CHRNA7: variants seen among roughly 807,000 people sequenced by gnomAD.
CHRNA7 encodes neuronal acetylcholine receptor subunit alpha-7.
In CHRNA7, 17 loss-of-function variants were observed where a neutral mutation model predicts 48.0. That is an observed-to-expected ratio of 0.35 (90% CI 0.24 to 0.53). The LOEUF (loss-of-function observed/expected upper bound fraction) is 0.53, where lower values mean the gene tolerates loss of function less well. Among genes scored for constraint, CHRNA7 ranks in the 20% least tolerant of loss-of-function variants. The pLI is 0.92. For missense variants in CHRNA7, 155 were observed against 577.7 expected, an observed-to-expected ratio of 0.27 and a Z score of 7.50; for synonymous variants, 75 against 242.3, an observed-to-expected ratio of 0.31 and a Z score of 6.41.
intron 4 of CHRNA7, among the ~76,000 whole-genome samples, chr15:32,122,863 C>CA (rs1489153381): frequency 8.5e-6 from 1 of 117,166 alleles, no homozygotes; most frequent in African/African-American, 3.2e-5. Flanking sequence ...ATGATAAAGG[C>CA]AAAACCCTTA....
chr15:32,097,054 C>T (rs573889949), intron 2 of CHRNA7, among the ~76,000 whole-genome samples: 1 of 152,194 alleles, frequency 6.6e-6, no homozygotes, highest in East Asian at 1.9e-4. Flanking sequence ...TGAGTGACAT[C>T]GCACAGATTG....
chr15:32,063,620 A>T (rs2049915701), intron 2 of CHRNA7, among the ~76,000 whole-genome samples: 1 of 152,122 alleles, frequency 6.6e-6, no homozygotes, highest in African/African-American at 2.4e-5. Context: ...TTTTGACCAC[A>T]TGATTGAGCT....
At chr15:32,117,961 C>T (rs1365713542) in intron 4 of CHRNA7, among the ~76,000 whole-genome samples, 1 of 152,190 alleles carries the variant, frequency 6.6e-6, no homozygotes, top group Non-Finnish European at 1.5e-5. Context: ...ATTTGAATAT[C>T]TGTCTTCTCC....
At chr15:32,066,342 C>T (rs966248958) in intron 2 of CHRNA7, among the ~76,000 whole-genome samples, 6 of 150,536 alleles carry the variant, frequency 4.0e-5, no homozygotes, top group South Asian at 4.2e-4. Context: ...AGTGCGGTGG[C>T]GCGATGTCCA....
At chr15:32,036,072 G>A (rs1221987739) in intron 2 of CHRNA7, among the ~76,000 whole-genome samples, 2 of 152,072 alleles carry the variant, frequency 1.3e-5, no homozygotes, top group East Asian at 1.9e-4. Flanking sequence ...AAATTTCTTT[G>A]TGCTCTCCCT....
At chr15:32,150,336 G>C (rs1485820797) in intron 4 of CHRNA7, among the ~76,000 whole-genome samples, 1 of 152,156 alleles carries the variant, frequency 6.6e-6, no homozygotes, top group East Asian at 1.9e-4. Flanking sequence ...AATATTATAG[G>C]TGTGGGCCAC....
intron 4 of CHRNA7, among the ~76,000 whole-genome samples, chr15:32,114,292 T>A (rs1001976984): frequency 6.6e-6 from 1 of 152,064 alleles, no homozygotes; most frequent in African/African-American, 2.4e-5. Context: ...CCAAATGCTC[T>A]GGCTAATGAG....
chr15:32,084,452 A>C (rs1400084005), intron 2 of CHRNA7, among the ~76,000 whole-genome samples: 2 of 152,232 alleles, frequency 1.3e-5, no homozygotes, highest in Non-Finnish European at 2.9e-5. Context: ...GTGCATGAGC[A>C]CATACAGTCT....
chr15:32,088,265 T>C (rs2050330228), intron 2 of CHRNA7, among the ~76,000 whole-genome samples: 1 of 152,228 alleles, frequency 6.6e-6, no homozygotes, highest in Non-Finnish European at 1.5e-5. Context: ...CATGGCTTGA[T>C]AGCTCATTTC....
chr15:32,037,047 A>G (rs1902125238), intron 2 of CHRNA7, among the ~76,000 whole-genome samples: 1 of 152,020 alleles, frequency 6.6e-6, no homozygotes, highest in Non-Finnish European at 1.5e-5. Flanking sequence ...ATCTTCTAGG[A>G]GTTTTATAGT....
chr15:32,090,350 T>C (rs567454684), intron 2 of CHRNA7, among the ~76,000 whole-genome samples: 2 of 152,134 alleles, frequency 1.3e-5, no homozygotes, highest in Non-Finnish European at 2.9e-5. Context: ...CTTGCACATT[T>C]ACTATGAGAA....
intron 2 of CHRNA7, among the ~76,000 whole-genome samples, chr15:32,053,937 A>G (rs901317554): frequency 6.6e-6 from 1 of 152,174 alleles, no homozygotes; most frequent in Non-Finnish European, 1.5e-5. Context: ...TGTCATGGTT[A>G]ATGAATGCCA....
chr15:32,038,435 A>G (rs895049256), intron 2 of CHRNA7, among the ~76,000 whole-genome samples: 11 of 152,138 alleles, frequency 7.2e-5, no homozygotes, highest in African/African-American at 2.7e-4. Context: ...AATGGATTAT[A>G]TTAATTTTTT....
chr15:32,131,004 C>T (rs1160055027), intron 4 of CHRNA7, among the ~76,000 whole-genome samples: 1 of 151,986 alleles, frequency 6.6e-6, no homozygotes, highest in South Asian at 2.1e-4. Flanking sequence ...TGCTGGTCTC[C>T]GTGGTTACTG....
intron 2 of CHRNA7, among the ~76,000 whole-genome samples, chr15:32,074,572 A>AT (rs2050106402): frequency 6.6e-6 from 1 of 150,842 alleles, no homozygotes; most frequent in Non-Finnish European, 1.5e-5. Flanking sequence ...GAGTTTTATA[A>AT]TGAATAGGTC....
intron 3 of CHRNA7, among the ~76,000 whole-genome samples, chr15:32,108,132 C>A (rs1307981910): frequency 6.6e-6 from 1 of 152,068 alleles, no homozygotes; most frequent in Admixed American, 6.5e-5. Flanking sequence ...CACTAGCATC[C>A]ACACACATTT....
intron 4 of CHRNA7, among the ~76,000 whole-genome samples, chr15:32,120,333 C>T (rs1456424546): frequency 1.3e-5 from 2 of 152,156 alleles, no homozygotes; most frequent in Admixed American, 6.5e-5. Flanking sequence ...GCTCCACTTT[C>T]GCACCTGCTC....
intron 2 of CHRNA7, among the ~76,000 whole-genome samples, chr15:32,071,182 A>T (rs534982986): frequency 1.3e-5 from 2 of 152,118 alleles, no homozygotes; most frequent in African/African-American, 4.8e-5. Context: ...CACAGCCTAG[A>T]TCACTGTAAA....
rs144974489 is a variant in CHRNA7, at chr15:32,084,789, C to T, written c.196-16514C>T. 3.7e-3 allele frequency among the ~76,000 whole-genome samples: 564 copies of T among 151,284 alleles called. 4 individuals are homozygous for T. The highest frequency in any genetic ancestry group is 0.013 in the African/African-American group (530 of 41,260). On this transcript the variant is annotated intron_variant, in intron 2 of 9. Transcript: ENST00000306901. ...CACGAGGACAGGCTGGCGCTGCCTG[C>T]ACGGCCTGCACTCATACCTATGCTC... is the stretch of plus-strand genomic sequence containing the variant.
Sources: allele counts gnomAD v4.1 joint callset (sites outside exome capture counted in the v4.1 genomes callset), GRCh38; gene constraint gnomAD v4.1.1; transcripts MANE v1.5; gene names NCBI Gene and HGNC (gene_info 2026-07-23, HGNC 2026-07-21).